The following PCDH9 variants were observed in gnomAD, a reference collection of about 807,000 sequenced individuals.
PCDH9 encodes protocadherin 9, also known as protocadherin-9.
Under a neutral mutation model 70.6 loss-of-function variants are expected in PCDH9, and 24 were observed. That is an observed-to-expected ratio of 0.34 (90% confidence interval 0.25 to 0.48). PCDH9 has a LOEUF of 0.48. Ranked by LOEUF, PCDH9 falls within the 20% of genes least tolerant of loss-of-function variation. PCDH9 has a pLI of 0.99. For missense variants in PCDH9, 1,281 were observed against 1,503.6 expected, an observed-to-expected ratio of 0.85 and a Z score of 2.45; for synonymous variants, 562 against 558.5, an observed-to-expected ratio of 1.01 and a Z score of -0.09.
chr13:67,137,761 TA>T (rs34283236), intron 2 of PCDH9, among the ~76,000 whole-genome samples: 1 of 152,126 alleles, frequency 6.6e-6, no homozygotes, highest in African/African-American at 2.4e-5. Flanking sequence ...TTTCAGCTAC[TA>T]AAAAAGTTGC....
chr13:66,795,423 A>T lies in PCDH9; in HGVS notation c.3138+108081T>A, dbSNP rs566295258. The stretch of plus-strand genomic sequence containing the variant: ...AATACTTGTTGCTAACACCTTTATG[A>T]AAGGTACTGCCTAACAAATAATTTA... On this transcript the variant is annotated intron_variant, in intron 3 of 4. Transcript: ENST00000377865. Among the ~76,000 whole-genome samples, 6 of 152,300 alleles carry T rather than the reference A, an allele frequency of 3.9e-5. No homozygotes were observed. In the South Asian group the frequency reaches 1.2e-3, roughly 32 times the overall value.
At chr13:66,471,389 G>A (rs76765060) in intron 4 of PCDH9, among the ~76,000 whole-genome samples, 407 of 152,136 alleles carry the variant, frequency 2.7e-3, no homozygotes, top group Non-Finnish European at 4.7e-3. Flanking sequence ...TTTTTCTTTC[G>A]AAGATTACTA....
chr13:67,112,976 C>T (rs2086687514), intron 2 of PCDH9, among the ~76,000 whole-genome samples: 1 of 152,114 alleles, frequency 6.6e-6, no homozygotes, highest in Admixed American at 6.5e-5. Context: ...GATTAAAATG[C>T]AAAAATGTCT....
At chr13:66,523,728 A>AT (rs5804283) in intron 4 of PCDH9, among the ~76,000 whole-genome samples, 15,325 of 151,902 alleles carry the variant, frequency 0.1, 1,041 homozygotes, top group Middle Eastern at 0.2. Flanking sequence ...ATTAAGGATG[A>AT]TTTTTTAAAA....
intron 4 of PCDH9, among the ~76,000 whole-genome samples, chr13:66,559,414 A>G (rs965942586): frequency 6.6e-6 from 1 of 152,138 alleles, no homozygotes; most frequent in Non-Finnish European, 1.5e-5. Context: ...TAATCCTACA[A>G]ATCTCTTCAG....
intron 4 of PCDH9, among the ~76,000 whole-genome samples, chr13:66,369,597 A>G (rs1459649113): frequency 2.6e-5 from 4 of 152,148 alleles, no homozygotes; most frequent in African/African-American, 9.7e-5. Flanking sequence ...TTTGAAAAAG[A>G]AGGTAATTTT....
At chr13:66,837,993 GA>G (rs1343303406) in intron 3 of PCDH9, among the ~76,000 whole-genome samples, 8 of 151,578 alleles carry the variant, frequency 5.3e-5, no homozygotes, top group African/African-American at 9.7e-5. Flanking sequence ...GAAATATAAA[GA>G]AAAAAATTTA....
chr13:66,863,531 C>T (rs1594169372), intron 3 of PCDH9, among the ~76,000 whole-genome samples: 2 of 152,090 alleles, frequency 1.3e-5, no homozygotes. Context: ...CTGTCGCCCA[C>T]CTGGAGTGCA....
intron 2 of PCDH9, among the ~76,000 whole-genome samples, chr13:67,053,514 G>T (rs553629092): frequency 1.3e-5 from 2 of 152,190 alleles, no homozygotes; most frequent in South Asian, 2.1e-4. Context: ...AGACATTAGG[G>T]TACACAAAAT....
chr13:66,331,719 T>C (rs1162058364), intron 4 of PCDH9, among the ~76,000 whole-genome samples: 1 of 152,164 alleles, frequency 6.6e-6, no homozygotes, highest in African/African-American at 2.4e-5. Context: ...CAAGACAGAG[T>C]ATCCCCTTGA....
chr13:66,854,917 G>A (rs1316073831), intron 3 of PCDH9, among the ~76,000 whole-genome samples: 2 of 152,038 alleles, frequency 1.3e-5, no homozygotes, highest in Non-Finnish European at 2.9e-5. Flanking sequence ...AGTTTTCCAG[G>A]AACCCAAATC....
intron 2 of PCDH9, among the ~76,000 whole-genome samples, chr13:67,040,360 A>G (rs1230218489): frequency 6.6e-6 from 1 of 152,176 alleles, no homozygotes; most frequent in African/African-American, 2.4e-5. Context: ...TGCTAGTCCC[A>G]GCTACTCAGG....
chr13:66,728,406 A>G (rs904457513), intron 3 of PCDH9, among the ~76,000 whole-genome samples: 2 of 152,140 alleles, frequency 1.3e-5, no homozygotes, highest in Non-Finnish European at 2.9e-5. Flanking sequence ...CTGAAATTTA[A>G]AAAAATGTAT....
intron 2 of PCDH9, among the ~76,000 whole-genome samples, chr13:67,048,538 T>C (rs1362294505): frequency 6.6e-6 from 1 of 152,136 alleles, no homozygotes; most frequent in Non-Finnish European, 1.5e-5. Context: ...CACACAGATG[T>C]ATATTCTCAG....
intron 4 of PCDH9, among the ~76,000 whole-genome samples, chr13:66,522,036 CAT>C (rs34150352): frequency 0.24 from 34,786 of 145,090 alleles, 4,439 homozygotes; most frequent in South Asian, 0.35. Context: ...TGTATATATA[CAT>C]ATATATATAT....
intron 2 of PCDH9, among the ~76,000 whole-genome samples, chr13:67,031,711 T>C (rs1393007672): frequency 6.6e-6 from 1 of 152,124 alleles, no homozygotes; most frequent in Non-Finnish European, 1.5e-5. Flanking sequence ...ATCACATAAT[T>C]ATACAAAATA....
chr13:67,100,153 A>G (rs1325375398), intron 2 of PCDH9, among the ~76,000 whole-genome samples: 2 of 152,206 alleles, frequency 1.3e-5, no homozygotes, highest in Non-Finnish European at 2.9e-5. Context: ...TACTTCAGCT[A>G]TTAATGCATT....
At chr13:66,817,868 T>C (rs2080636703) in intron 3 of PCDH9, among the ~76,000 whole-genome samples, 1 of 152,160 alleles carries the variant, frequency 6.6e-6, no homozygotes. Context: ...GCTCAGATGA[T>C]TTGCTGGCCT....
At chr13:66,896,535 A>C (rs1485284001) in intron 3 of PCDH9, among the ~76,000 whole-genome samples, 1 of 152,140 alleles carries the variant, frequency 6.6e-6, no homozygotes, top group Non-Finnish European at 1.5e-5. Context: ...TTACATAATT[A>C]TAAAATTGTT....
Sources: gnomAD v4.1 joint callset for allele counts (sites outside exome capture counted in the v4.1 genomes callset) on GRCh38, gnomAD v4.1.1 for gene constraint, MANE v1.5 for transcripts, NCBI Gene and HGNC (gene_info 2026-07-23, HGNC 2026-07-21) for gene names.